Variants in AVEN observed in about 807,000 individuals in gnomAD.
AVEN encodes the protein apoptosis and caspase activation inhibitor.
Under a neutral mutation model 38.1 loss-of-function variants are expected in AVEN, and 41 were observed. That is an observed-to-expected ratio of 1.08 (90% CI 0.84 to 1.40). The LOEUF is 1.40. AVEN is among the 40% of genes most tolerant of loss of function. The pLI is 0.00. For missense variants in AVEN, 605 were observed against 438.8 expected (o/e 1.38, Z -3.38); for synonymous variants, 206 against 171.8 (o/e 1.20, Z -1.56).
intron 1 of AVEN, among the ~76,000 whole-genome samples, chr15:34,070,942 G>A (rs1718392227): frequency 6.6e-6 from 1 of 152,144 alleles, no homozygotes; most frequent in Non-Finnish European, 1.5e-5. Context: ...GAAAGCCAAG[G>A]TCTAACTCTG....
chr15:34,024,669 G>A (rs1167955463), intron 1 of AVEN, among the ~76,000 whole-genome samples: 1 of 148,844 alleles, frequency 6.7e-6, no homozygotes, highest in Non-Finnish European at 1.5e-5. Flanking sequence ...TGACCAACAT[G>A]GTGAAACCCC....
chr15:33,887,527 TATTA>T (rs1384236467), intron 2 of AVEN, among the ~76,000 whole-genome samples: 4 of 152,194 alleles, frequency 2.6e-5, no homozygotes, highest in African/African-American at 9.6e-5. Flanking sequence ...TGATTCTATT[TATTA>T]ATTTTCATTT....
At chr15:34,034,970 G>T (rs568190962) in intron 1 of AVEN, among the ~76,000 whole-genome samples, 1 of 152,148 alleles carries the variant, frequency 6.6e-6, no homozygotes, top group African/African-American at 2.4e-5. Context: ...GCTGACAAGC[G>T]GCTGGTGGCT....
intron 2 of AVEN, among the ~76,000 whole-genome samples, chr15:33,933,632 G>A (rs1893958493): frequency 1.4e-5 from 2 of 147,398 alleles, no homozygotes; most frequent in Admixed American, 6.9e-5. Context: ...TCATACCCAC[G>A]CACCATGCTA....
intron 2 of AVEN, among the ~76,000 whole-genome samples, chr15:33,961,014 C>A (rs1471880354): frequency 1.3e-5 from 2 of 151,362 alleles, no homozygotes; most frequent in African/African-American, 2.4e-5. Flanking sequence ...TTTCTTTTTT[C>A]TTTTGAGACA....
At chr15:33,873,687 TG>T in intron 3 of AVEN, among the ~76,000 whole-genome samples, 1 of 151,882 alleles carries the variant, frequency 6.6e-6, no homozygotes, top group Non-Finnish European at 1.5e-5. Flanking sequence ...ATCGTTTTGA[TG>T]GTGAAATGAA....
chr15:33,911,883 T>C (rs1892930839), intron 2 of AVEN, among the ~76,000 whole-genome samples: 1 of 152,178 alleles, frequency 6.6e-6, no homozygotes, highest in African/African-American at 2.4e-5. Flanking sequence ...CAGAAGAACT[T>C]CCAGAGAGAG....
intron 2 of AVEN, among the ~76,000 whole-genome samples, chr15:33,890,161 C>CTGA (rs1891877817): frequency 6.6e-6 from 1 of 152,120 alleles, no homozygotes; most frequent in African/African-American, 2.4e-5. Context: ...AGGGATAATA[C>CTGA]ACATTATATG....
chr15:33,874,207 G>C (rs1693132566), intron 3 of AVEN, among the ~76,000 whole-genome samples: 1 of 152,032 alleles, frequency 6.6e-6, no homozygotes. Flanking sequence ...ATCTAATTTA[G>C]TCCTTCTTAT....
chr15:33,855,535 A>ATGAATCTGATATATTCCC (rs2079561683), downstream of AVEN, among the ~76,000 whole-genome samples: 1 of 152,144 alleles, frequency 6.6e-6, no homozygotes, highest in Non-Finnish European at 1.5e-5. Context: ...CCCTTCCTCC[A>ATGAATCTGATATATTCCC]TGAATCTGAT....
intron 2 of AVEN, among the ~76,000 whole-genome samples, chr15:34,068,160 T>C (rs1464034801): frequency 6.6e-6 from 1 of 152,060 alleles, no homozygotes; most frequent in Non-Finnish European, 1.5e-5. Context: ...TTCTCAACCA[T>C]TTGAGAGTAA....
rs1890558415 is a variant in AVEN at position 33,866,726 on chromosome 15, A to G, written c.976T>C (p.Cys326Arg). Residue 326 changes from cysteine (C) to arginine (R), a missense_variant and splice_region_variant, in exon 6 of 6, where the codon TGT (cysteine) becomes CGT (arginine). Coordinates refer to ENST00000306730, the MANE Select transcript of AVEN (RefSeq NM_020371.3). ...DGEVVQEEEV[C>R]AKPSVTEEKN... ...TCTTCAGTCACAGATGGTTTTGCAC[A>G]AACTGGGGGAAAAAAAACAATGTTA... 5 of 1,608,664 alleles carry G rather than the reference A, an allele frequency of 3.1e-6. No homozygotes were observed. Among genetic ancestry groups the G allele is most frequent in the African/African-American group, 1.3e-5 (1 of 74,768 alleles).
intron 2 of AVEN, among the ~76,000 whole-genome samples, chr15:33,902,382 T>A (rs1418988599): frequency 6.6e-6 from 1 of 152,188 alleles, no homozygotes; most frequent in Non-Finnish European, 1.5e-5. Context: ...CAAAGTTAAA[T>A]ATTCTTTCTC....
In AVEN at chr15:33,867,499, T is replaced by C. The variant is rs764282186; in HGVS notation, c.969A>G (p.Glu323=). The C allele has an allele frequency of 1.3e-6, 2 of 1,568,024 alleles. No homozygotes were observed. Among genetic ancestry groups the C allele is most frequent in the Non-Finnish European group, 1.7e-6 (2 of 1,161,596 alleles). ...GGAATAAAATGAAAGCCATACCTTC[T>C]TCCTCTTGGACCACCTCCCCATCTT... ...SKEDGEVVQE[E]EVCAKPSVTE... Residue 323 remains glutamate, a synonymous_variant, in exon 5 of 6, where the codon GAA becomes GAG. Transcript: ENST00000306730.
At chr15:34,039,244 GGGCCGGAACCGGGACCGCGGGAA>G (rs1367089656), upstream of AVEN, 1 of 280,338 alleles carries the variant, frequency 3.6e-6, no homozygotes, top group African/African-American at 2.3e-5. Context: ...CCCGCAGGTG[GGGCCGGAACCGGGACCGCGGGAA>G]GGCCGGACCG....
intron 2 of AVEN, among the ~76,000 whole-genome samples, chr15:33,978,867 C>T (rs886607412): frequency 6.6e-6 from 1 of 151,950 alleles, no homozygotes; most frequent in Non-Finnish European, 1.5e-5. Flanking sequence ...ACCCTGAAGT[C>T]CCAAGTCTAA....
At chr15:33,995,640 G>A (rs1175970310) in intron 2 of AVEN, among the ~76,000 whole-genome samples, 1 of 152,164 alleles carries the variant, frequency 6.6e-6, no homozygotes, top group South Asian at 2.1e-4. Context: ...GACATTTTTC[G>A]AAGTTACTGA....
chr15:33,855,055 G>T (rs555763446), downstream of AVEN: 6 of 865,302 alleles, frequency 6.9e-6, no homozygotes, highest in Non-Finnish European at 9.4e-6. Flanking sequence ...TCAACTAATG[G>T]TGATTGTTTT....
chr15:33,987,574 A>C (rs1050079586), intron 2 of AVEN, among the ~76,000 whole-genome samples: 5 of 152,068 alleles, frequency 3.3e-5, no homozygotes, highest in African/African-American at 1.2e-4. Context: ...CCAGCGAACA[A>C]TGGTTTTTTT....
Sources: gnomAD v4.1 joint callset for allele counts (sites outside exome capture counted in the v4.1 genomes callset) on GRCh38, gnomAD v4.1.1 for gene constraint, MANE v1.5 for transcripts, NCBI Gene and HGNC (gene_info 2026-07-23, HGNC 2026-07-21) for gene names.